The following ROBO1 variants were observed in gnomAD, a reference collection of about 807,000 sequenced individuals.
ROBO1 encodes roundabout guidance receptor 1.
A neutral mutation model predicts 195.9 loss-of-function variants in ROBO1; 149 were observed. That is an observed-to-expected ratio of 0.76 (90% CI 0.67 to 0.87). The LOEUF is 0.87. Ranked by LOEUF, ROBO1 falls within the 40% of genes least tolerant of loss-of-function variation. ROBO1 has a pLI of 0.00. For synonymous variants in ROBO1, 816 were observed against 733.2 expected (o/e 1.11, Z -1.82); for missense variants, 1,933 against 2,068.3 (o/e 0.93, Z 1.27).
intron 4 of ROBO1, among the ~76,000 whole-genome samples, chr3:78,925,450 A>G (rs1396442368): frequency 6.6e-6 from 1 of 152,240 alleles, no homozygotes; most frequent in Non-Finnish European, 1.5e-5. Flanking sequence ...CAAACAGGAA[A>G]AAAATGAGGC....
At chr3:78,930,519 G>A (rs748692940) in intron 4 of ROBO1, among the ~76,000 whole-genome samples, 8 of 152,168 alleles carry the variant, frequency 5.3e-5, no homozygotes, top group Non-Finnish European at 1.0e-4. Context: ...TCTCGGGATG[G>A]TGATGGGATG....
intron 1 of ROBO1, among the ~76,000 whole-genome samples, chr3:79,698,372 G>C (rs1182752050): frequency 6.6e-6 from 1 of 150,986 alleles, no homozygotes; most frequent in Non-Finnish European, 1.5e-5. Flanking sequence ...AACAATCACA[G>C]ATAGATAAGA....
intron 1 of ROBO1, among the ~76,000 whole-genome samples, chr3:79,680,435 T>C (rs911381272): frequency 6.6e-6 from 1 of 152,064 alleles, no homozygotes; most frequent in African/African-American, 2.4e-5. Context: ...GAAAGAATTA[T>C]CATCTGAGTG....
chr3:78,600,080 A>ACAT, intron 30 of ROBO1, 33 bp downstream of exon 30: 1 of 1,546,974 alleles, frequency 6.5e-7, no homozygotes, highest in Non-Finnish European at 8.9e-7. Context: ...CCACAGTCTA[A>ACAT]CATTGGTAAA....
At chr3:78,839,252 T>C (rs573512148) in intron 4 of ROBO1, among the ~76,000 whole-genome samples, 1 of 152,218 alleles carries the variant, frequency 6.6e-6, no homozygotes, top group East Asian at 1.9e-4. Flanking sequence ...TTAAAAATTA[T>C]TACTACTACC....
At chr3:79,045,498 G>T (rs1036586339) in intron 3 of ROBO1, among the ~76,000 whole-genome samples, 1 of 151,928 alleles carries the variant, frequency 6.6e-6, no homozygotes, top group East Asian at 1.9e-4. Context: ...ATGGAGAGAC[G>T]ATATAGATCT....
chr3:79,179,788 T>C (rs1179996746), intron 2 of ROBO1, among the ~76,000 whole-genome samples: 1 of 152,176 alleles, frequency 6.6e-6, no homozygotes, highest in Non-Finnish European at 1.5e-5. Context: ...ACATTAAGAG[T>C]AAACTAATTT....
At chr3:79,255,447 G>C (rs558431223) in intron 2 of ROBO1, among the ~76,000 whole-genome samples, 4 of 152,274 alleles carry the variant, frequency 2.6e-5, no homozygotes, top group Admixed American at 6.5e-5. Flanking sequence ...TTCGTCTTAA[G>C]ACAAAATTGT....
chr3:79,535,843 T>C (rs1378103611), intron 2 of ROBO1, among the ~76,000 whole-genome samples: 1 of 152,100 alleles, frequency 6.6e-6, no homozygotes, highest in African/African-American at 2.4e-5. Context: ...CTTCTCTCGA[T>C]CCCATTCCTT....
At chr3:78,966,002 A>G (rs1402894847) in intron 3 of ROBO1, among the ~76,000 whole-genome samples, 2 of 152,188 alleles carry the variant, frequency 1.3e-5, no homozygotes, top group East Asian at 1.9e-4. Context: ...GGGGTCCCCA[A>G]TCCCCAGCTG....
chr3:79,340,456 G>A (rs965979242), intron 2 of ROBO1, among the ~76,000 whole-genome samples: 1 of 152,182 alleles, frequency 6.6e-6, no homozygotes, highest in Non-Finnish European at 1.5e-5. Flanking sequence ...ATTACCAGGG[G>A]AAAGGAAGTG....
intron 2 of ROBO1, among the ~76,000 whole-genome samples, chr3:79,341,523 T>C (rs1448197006): frequency 6.6e-6 from 1 of 151,878 alleles, no homozygotes; most frequent in African/African-American, 2.4e-5. Flanking sequence ...TAATTACAGA[T>C]CGGGTGGGAG....
intron 3 of ROBO1, among the ~76,000 whole-genome samples, chr3:79,116,040 G>A (rs2079987705): frequency 6.6e-6 from 1 of 152,138 alleles, no homozygotes; most frequent in African/African-American, 2.4e-5. Context: ...AGTAGTGTAT[G>A]TTTTGAACTA....
At chr3:79,125,987 A>G (rs1328041293) in intron 2 of ROBO1, among the ~76,000 whole-genome samples, 1 of 152,178 alleles carries the variant, frequency 6.6e-6, no homozygotes, top group Non-Finnish European at 1.5e-5. Context: ...TACAGACTCC[A>G]GAGATTGTAC....
intron 8 of ROBO1, among the ~76,000 whole-genome samples, chr3:78,700,912 C>T (rs763782591): frequency 7.9e-5 from 12 of 152,088 alleles, no homozygotes; most frequent in Middle Eastern, 3.4e-3. Context: ...TACAGGCGCA[C>T]GCCACCACAT....
chr3:79,542,423 T>A (rs1942106007), intron 2 of ROBO1, among the ~76,000 whole-genome samples: 1 of 152,058 alleles, frequency 6.6e-6, no homozygotes, highest in Non-Finnish European at 1.5e-5. Context: ...TAAATAAAGT[T>A]ATTTTTTCAG....
At chr3:79,227,557 A>G (rs899336668) in intron 2 of ROBO1, among the ~76,000 whole-genome samples, 1 of 152,154 alleles carries the variant, frequency 6.6e-6, no homozygotes, top group African/African-American at 2.4e-5. Context: ...GAATGTCGTC[A>G]TTGAGTCACA....
chr3:78,918,391 G>T (rs2038752285), intron 4 of ROBO1, among the ~76,000 whole-genome samples: 1 of 152,140 alleles, frequency 6.6e-6, no homozygotes, highest in Non-Finnish European at 1.5e-5. Context: ...AACCAACCAT[G>T]ACAGAGAGCG....
Position 79,186,580 on chromosome 3 carries a change from A to G in ROBO1, c.89-61041T>C, listed in dbSNP as rs150129337. Among the ~76,000 whole-genome samples, 4 of 152,176 alleles carry G rather than the reference A, an allele frequency of 2.6e-5. No individual in the cohort carries two copies. The East Asian group carries it at 7.8e-4, about 30-fold the overall frequency. ...TTGGTAATCACTGGGGTCATTCACC[A>G]CATATTCTGCTGACTGCCTTTTGAC... On this transcript the variant is annotated intron_variant, in intron 2 of 30. Coordinates refer to ENST00000464233, the MANE Select transcript of ROBO1 (RefSeq NM_002941.4).
Sources: gnomAD v4.1 joint callset for allele counts (sites outside exome capture counted in the v4.1 genomes callset) on GRCh38, gnomAD v4.1.1 for gene constraint, MANE v1.5 for transcripts, NCBI Gene and HGNC (gene_info 2026-07-23, HGNC 2026-07-21) for gene names.